NUAK1: variants seen among roughly 807,000 people sequenced by gnomAD.
The protein encoded by NUAK1 is NUAK family kinase 1.
In NUAK1, 26 loss-of-function variants were observed where a neutral mutation model predicts 56.9. The ratio of observed to expected loss-of-function variants is 0.46; its 90% CI spans 0.33 to 0.63. The LOEUF (loss-of-function observed/expected upper bound fraction) is 0.63. NUAK1 is among the 30% of genes least tolerant of loss of function. The pLI is 0.02. For missense variants in NUAK1, 727 were observed against 876.1 expected (o/e 0.83, Z 2.15); for synonymous variants, 337 against 336.0 (o/e 1.00, Z -0.03).
At chr12:106,133,167 C>G (rs1263022765) in intron 1 of NUAK1, among the ~76,000 whole-genome samples, 3 of 152,136 alleles carry the variant, frequency 2.0e-5, no homozygotes, top group African/African-American at 7.2e-5. Flanking sequence ...CAGCACAAAC[C>G]CTGCATTCCA....
intron 1 of NUAK1, among the ~76,000 whole-genome samples, chr12:106,130,170 C>T (rs957575396): frequency 7.9e-5 from 12 of 152,184 alleles, no homozygotes; most frequent in South Asian, 2.1e-4. Context: ...TTAGTAGAGA[C>T]GGGGTTTCAC....
intron 1 of NUAK1, among the ~76,000 whole-genome samples, chr12:106,115,297 T>TG (rs1360186815): frequency 1.3e-5 from 2 of 152,362 alleles, no homozygotes; most frequent in African/African-American, 4.8e-5. Context: ...AAAAGAGGCA[T>TG]GACTTTCTAT....
chr12:106,115,818 C>T (rs1308248336), intron 1 of NUAK1, among the ~76,000 whole-genome samples: 1 of 152,178 alleles, frequency 6.6e-6, no homozygotes, highest in African/African-American at 2.4e-5. Flanking sequence ...CAGTTCCTAC[C>T]CTCAAGGAGG....
chr12:106,096,480 A>G (rs1381350564), intron 2 of NUAK1, among the ~76,000 whole-genome samples: 2 of 152,214 alleles, frequency 1.3e-5, no homozygotes, highest in Non-Finnish European at 2.9e-5. Context: ...TGTTACGAAT[A>G]AGGGCGAGTC....
chr12:106,079,898 A>C (rs1439358256), intron 4 of NUAK1, among the ~76,000 whole-genome samples: 1 of 152,220 alleles, frequency 6.6e-6, no homozygotes, highest in Non-Finnish European at 1.5e-5. Flanking sequence ...CATCTAGTTC[A>C]CTATTAAATC....
rs1039855192 is a variant in NUAK1 at position 106,087,034 on chromosome 12, C to G, written c.362-149G>C. The G allele has an allele frequency of 5.2e-6, 5 of 966,764 alleles. No homozygotes were observed. In the African/African-American group the frequency reaches 8.1e-5, roughly 16 times the overall value. 59.9% of individuals were successfully genotyped at this position (966,764 alleles called of 1,614,324 possible). A position where few individuals can be genotyped will look rare whatever the true frequency, so the allele number is the denominator to read the frequency against. The stretch of plus-strand genomic sequence containing the variant: ...ACACAAATCAGCCAATTCAGCATCA[C>G]GAGGCGTGGGGCGTGCTGTCCCGCC... On this transcript the variant is annotated intron_variant, in intron 2 of 6. Coordinates refer to ENST00000261402, the MANE Select transcript of NUAK1 (RefSeq NM_014840.3).
intron 1 of NUAK1, among the ~76,000 whole-genome samples, chr12:106,127,669 AT>A (rs2033036738): frequency 6.6e-6 from 1 of 152,220 alleles, no homozygotes; most frequent in Admixed American, 6.5e-5. Flanking sequence ...GTGTATGAGA[AT>A]TGAAGATACT....
intron 2 of NUAK1, 164 bp downstream of exon 2, chr12:106,106,241 T>C: frequency 1.8e-6 from 1 of 569,672 alleles, no homozygotes; most frequent in Non-Finnish European, 3.0e-6. Context: ...TGTCTGGTTG[T>C]GTTCAAGGTA....
chr12:106,114,403 C>T (rs569535467), intron 1 of NUAK1, among the ~76,000 whole-genome samples: 35 of 152,274 alleles, frequency 2.3e-4, no homozygotes, highest in African/African-American at 8.2e-4. Flanking sequence ...TCCTCACCTG[C>T]AAATGAGGAT....
chr12:106,109,529 T>C (rs1400136316), intron 1 of NUAK1, among the ~76,000 whole-genome samples: 1 of 148,678 alleles, frequency 6.7e-6, no homozygotes, highest in Non-Finnish European at 1.5e-5. Flanking sequence ...TAAGAATGAT[T>C]GTCATATTGT....
intron 1 of NUAK1, among the ~76,000 whole-genome samples, chr12:106,109,837 G>A (rs998585062): frequency 6.6e-6 from 1 of 152,164 alleles, no homozygotes; most frequent in Admixed American, 6.5e-5. Context: ...GAATACACCT[G>A]GGCCAGGGGG....
chr12:106,117,380 C>A (rs890870183), intron 1 of NUAK1, among the ~76,000 whole-genome samples: 3 of 152,198 alleles, frequency 2.0e-5, no homozygotes, highest in Admixed American at 1.3e-4. Flanking sequence ...TTCTCACACT[C>A]CTAAATAACT....
rs148697405 is a variant in NUAK1, at chr12:106,067,614, A to G, written c.1174T>C (p.Leu392=). 2 of 1,614,218 alleles carry G rather than the reference A, an allele frequency of 1.2e-6. No homozygotes were observed. The highest frequency in any genetic ancestry group is 1.7e-6 in the Non-Finnish European group (2 of 1,180,032). ...ATCCCCTTGGGCCTCTTAGAACTCA[A>G]CTTGGATGGGCTTTCAGGCACTGCA... ...QDAVPESPSK[L]SSKRPKGILK... Residue 392 remains leucine, a synonymous_variant, in exon 7 of 7, where the codon TTG becomes CTG. Transcript: ENST00000261402. The surrounding 1 kb of genome is among the most constrained non-coding windows in gnomAD (Gnocchi z 6.0).
At chr12:106,132,574 A>G (rs1257180036) in intron 1 of NUAK1, among the ~76,000 whole-genome samples, 2 of 152,168 alleles carry the variant, frequency 1.3e-5, no homozygotes, top group South Asian at 2.1e-4. Context: ...GAACCAGCTT[A>G]CCCCTCAAAG....
intron 1 of NUAK1, among the ~76,000 whole-genome samples, chr12:106,122,898 G>A (rs1238635921): frequency 6.6e-6 from 1 of 152,224 alleles, no homozygotes; most frequent in Non-Finnish European, 1.5e-5. Context: ...CCACTGGACT[G>A]AATAAGCTCC....
At chr12:106,093,538 C>T (rs1592853404) in intron 2 of NUAK1, among the ~76,000 whole-genome samples, 1 of 152,182 alleles carries the variant, frequency 6.6e-6, no homozygotes, top group Admixed American at 6.5e-5. Flanking sequence ...AACAACACAA[C>T]TTGTAGAACT....
chr12:106,072,823 G>A lies in NUAK1; in HGVS notation c.600C>T (p.Ser200=), dbSNP rs768498114. The change falls in exon 5 of 7, where the codon TCC becomes TCT. Residue 200 remains serine, a synonymous_variant. Coordinates refer to ENST00000261402, the MANE Select transcript of NUAK1 (RefSeq NM_014840.3). ...CNIKIADFGL[S]NLYQKDKFLQ... is the part of the protein sequence containing the mutation. Reference sequence around the variant, plus strand: ...AGAACTTATCCTTCTGGTACAGGTTGGAAAGCCCAAAGTCAGCAATCTACA... The same window carrying A: ...AGAACTTATCCTTCTGGTACAGGTTAGAAAGCCCAAAGTCAGCAATCTACA... 22 of 1,614,036 alleles carry A rather than the reference G, an allele frequency of 1.4e-5. No individual in the cohort carries two copies. Among genetic ancestry groups the A allele is most frequent in the Non-Finnish European group, 1.9e-5 (22 of 1,179,940 alleles).
At chr12:106,084,676 C>T (rs1484273761) in intron 3 of NUAK1, among the ~76,000 whole-genome samples, 1 of 151,872 alleles carries the variant, frequency 6.6e-6, no homozygotes, top group Non-Finnish European at 1.5e-5. Flanking sequence ...ACGTGAAAAG[C>T]AGTCATCAGC....
At chr12:106,070,059 T>A (rs896710144) in intron 6 of NUAK1, among the ~76,000 whole-genome samples, 24 of 152,086 alleles carry the variant, frequency 1.6e-4, no homozygotes, top group Non-Finnish European at 2.1e-4. Context: ...AGAAAAATTT[T>A]AAAAAAAGAA....
Sources: gnomAD v4.1 joint callset for allele counts (sites outside exome capture counted in the v4.1 genomes callset) on GRCh38, gnomAD v4.1.1 for gene constraint, Gnocchi (gnomAD v3.1) non-coding constraint, MANE v1.5 for transcripts, NCBI Gene and HGNC (gene_info 2026-07-23, HGNC 2026-07-21) for gene names.